CDH10: variants seen among roughly 807,000 people sequenced by gnomAD.
CDH10 encodes the protein cadherin 10.
CDH10 carries 30 observed loss-of-function variants against 73.1 expected under a neutral mutation model. The ratio of observed to expected loss-of-function variants is 0.41; its 90% confidence interval spans 0.31 to 0.56. The LOEUF (loss-of-function observed/expected upper bound fraction) is 0.56, where lower values mean the gene tolerates loss of function less well. Ranked by LOEUF, CDH10 falls within the 20% of genes least tolerant of loss-of-function variation. The pLI is 0.27. For synonymous variants in CDH10, 345 were observed against 348.2 expected, an observed-to-expected ratio of 0.99 and a Z score of 0.10; for missense variants, 815 against 973.7, an observed-to-expected ratio of 0.84 and a Z score of 2.17.
intron 2 of CDH10, among the ~76,000 whole-genome samples, chr5:24,587,975 A>G (rs1014174266): frequency 6.6e-6 from 1 of 152,216 alleles, no homozygotes; most frequent in Non-Finnish European, 1.5e-5. Flanking sequence ...TGCTCTGAAG[A>G]TATTATCACA....
At chr5:24,601,530 G>A (rs1421648722) in intron 1 of CDH10, among the ~76,000 whole-genome samples, 7 of 152,082 alleles carry the variant, frequency 4.6e-5, no homozygotes, top group South Asian at 2.1e-4. Flanking sequence ...AGTTGGAAGC[G>A]TATGAACTAC....
At chr5:24,540,443 T>G (rs1744110829) in intron 2 of CDH10, among the ~76,000 whole-genome samples, 1 of 151,932 alleles carries the variant, frequency 6.6e-6, no homozygotes, top group Non-Finnish European at 1.5e-5. Context: ...ACAGCAGGAT[T>G]TATTATCTTC....
chr5:24,566,294 T>G (rs1177675961), intron 2 of CDH10, among the ~76,000 whole-genome samples: 3 of 152,148 alleles, frequency 2.0e-5, no homozygotes, highest in East Asian at 3.9e-4. Context: ...GTGATCCACC[T>G]GTCTTGGCCT....
intron 8 of CDH10, among the ~76,000 whole-genome samples, chr5:24,498,926 T>C (rs1431555926): frequency 2.0e-5 from 3 of 152,210 alleles, no homozygotes; most frequent in Non-Finnish European, 4.4e-5. Context: ...GTTTTTGTTT[T>C]GTTTTGTTTT....
intron 2 of CDH10, among the ~76,000 whole-genome samples, chr5:24,574,849 C>A (rs575886755): frequency 1.1e-3 from 120 of 106,110 alleles, no homozygotes; most frequent in African/African-American, 2.9e-3. Context: ...GAAAAAAAAA[C>A]CAGAGAACAA....
At chr5:24,624,088 G>A (rs374571052) in intron 1 of CDH10, among the ~76,000 whole-genome samples, 62 of 152,144 alleles carry the variant, frequency 4.1e-4, no homozygotes, top group African/African-American at 1.2e-3. Context: ...AGCTCAGTAC[G>A]TACTCTGAGG....
intron 9 of CDH10, among the ~76,000 whole-genome samples, chr5:24,496,918 G>T (rs891941115): frequency 3.9e-5 from 6 of 152,130 alleles, no homozygotes; most frequent in African/African-American, 1.4e-4. Context: ...TAACAAACTG[G>T]TCTTATTAGA....
At chr5:24,623,286 G>A (rs1488322691) in intron 1 of CDH10, among the ~76,000 whole-genome samples, 1 of 152,168 alleles carries the variant, frequency 6.6e-6, no homozygotes, top group Non-Finnish European at 1.5e-5. Context: ...AGAGCACAAT[G>A]CTAACGACCA....
At chr5:24,610,960 C>T (rs1012884651) in intron 1 of CDH10, among the ~76,000 whole-genome samples, 1 of 152,144 alleles carries the variant, frequency 6.6e-6, no homozygotes, top group Non-Finnish European at 1.5e-5. Context: ...AGAACAATAT[C>T]CCTCTTTAGT....
Position 24,507,616 on chromosome 5 carries a change from T to C in CDH10, c.1256+1950A>G, listed in dbSNP as rs1402365549. 3.9e-5 allele frequency among the ~76,000 whole-genome samples: 6 copies of C among 152,062 alleles called. 1 individual carries two copies. The highest frequency in any genetic ancestry group is 4.4e-5 in the Non-Finnish European group (3 of 67,990). ...CTTGATATACATTTAGATAACAATATTATATTTTATTTTGTAAAGTCTATT... is the reference window on the plus strand; with the variant it reads ...CTTGATATACATTTAGATAACAATACTATATTTTATTTTGTAAAGTCTATT... On this transcript the variant is annotated intron_variant, in intron 7 of 11. Coordinates refer to ENST00000264463, the MANE Select transcript of CDH10 (RefSeq NM_006727.5).
chr5:24,600,549 G>A (rs879715818), intron 1 of CDH10, among the ~76,000 whole-genome samples: 1 of 152,076 alleles, frequency 6.6e-6, no homozygotes, highest in Non-Finnish European at 1.5e-5. Flanking sequence ...CTTTTTGGAG[G>A]AAACCACATC....
Position 24,522,119 on chromosome 5 carries a change from G to A in CDH10, c.815-10605C>T, listed in dbSNP as rs1300458681. Among the ~76,000 whole-genome samples the A allele has an allele frequency of 2.0e-5, 3 of 151,882 alleles. 1 individual carries two copies. Among genetic ancestry groups the A allele is most frequent in the Admixed American group, 2.0e-4 (3 of 15,222 alleles). On this transcript the variant is annotated intron_variant, in intron 5 of 11. Coordinates refer to ENST00000264463, the MANE Select transcript of CDH10 (RefSeq NM_006727.5). Reference sequence around the variant, plus strand: ...ACTGCACTCCAGTGGGCTACAGAGCGAGACTCTGTCTCAAAAACAAACCAA... The same window carrying A: ...ACTGCACTCCAGTGGGCTACAGAGCAAGACTCTGTCTCAAAAACAAACCAA...
chr5:24,534,961 T>C (rs769787385), intron 5 of CDH10, 151 bp downstream of exon 5: 1 of 677,716 alleles, frequency 1.5e-6, no homozygotes, highest in Non-Finnish European at 2.4e-6. Flanking sequence ...TTCATCAGCA[T>C]GTACACCTTT....
intron 1 of CDH10, among the ~76,000 whole-genome samples, chr5:24,595,222 T>G (rs574700873): frequency 2.0e-4 from 31 of 152,002 alleles, no homozygotes; most frequent in African/African-American, 7.5e-4. Flanking sequence ...AAGGATTGAG[T>G]TTCACTTCTC....
At position 24,511,559 on chromosome 5, in the gene CDH10, G is replaced by C. The variant is rs775463598; in HGVS notation, c.815-45C>G. The C allele has an allele frequency of 3.4e-4, 184 of 546,642 alleles. 1 individual carries two copies. Among genetic ancestry groups the C allele is most frequent in the African/African-American group, 1.2e-3 (50 of 41,158 alleles). 33.9% of individuals were successfully genotyped at this position (546,642 alleles called of 1,614,324 possible). ...GAAGAGAGAGACAGAGAGAGAGAGA[G>C]AGAGAGAGAGAGAGAGAGAGAGAGA... On this transcript the variant is annotated intron_variant, in intron 5 of 11. Coordinates refer to ENST00000264463, the MANE Select transcript of CDH10 (RefSeq NM_006727.5).
In CDH10 at chr5:24,575,355, C is replaced by CAAAA. The variant is rs751333761; in HGVS notation, c.231+17901_231+17904dup. Among the ~76,000 whole-genome samples the CAAAA allele has an allele frequency of 1.2e-3, 146 of 123,814 alleles. 1 individual carries two copies. The highest frequency in any genetic ancestry group is 4.7e-3 in the African/African-American group (139 of 29,376). The allele number at this position is 123,814 out of a possible 152,430, so 81.2% of individuals were successfully genotyped here. A position where few individuals can be genotyped will look rare whatever the true frequency, so the allele number is the denominator to read the frequency against. On this transcript the variant is annotated intron_variant, in intron 2 of 11. Coordinates refer to ENST00000264463, the MANE Select transcript of CDH10 (RefSeq NM_006727.5). Reference sequence around the variant, plus strand: ...CCAGCCTGGGCAACAACAAAAACAACAAAAAAAAAAAAAAAAAAGGAAAAA... The same window carrying CAAAA: ...CCAGCCTGGGCAACAACAAAAACAACAAAAAAAAAAAAAAAAAAAAAAGGAAAAA...
intron 9 of CDH10, among the ~76,000 whole-genome samples, chr5:24,494,342 CT>C (rs141868658): frequency 6.6e-6 from 1 of 151,936 alleles, no homozygotes; most frequent in East Asian, 1.9e-4. Flanking sequence ...GATTTCTTGT[CT>C]GTCAAATGTA....
intron 1 of CDH10, among the ~76,000 whole-genome samples, chr5:24,626,965 A>G (rs1024783514): frequency 6.6e-6 from 1 of 151,330 alleles, no homozygotes; most frequent in Non-Finnish European, 1.5e-5. Context: ...AACAATTTCT[A>G]AAAAATTAAG....
intron 5 of CDH10, among the ~76,000 whole-genome samples, chr5:24,514,894 T>C (rs888715011): frequency 6.6e-6 from 1 of 152,010 alleles, no homozygotes; most frequent in African/African-American, 2.4e-5. Context: ...TATATACAAC[T>C]TGAATAAATC....
Sources: gnomAD v4.1 joint callset for allele counts (sites outside exome capture counted in the v4.1 genomes callset) on GRCh38, gnomAD v4.1.1 for gene constraint, MANE v1.5 for transcripts, NCBI Gene and HGNC (gene_info 2026-07-23, HGNC 2026-07-21) for gene names.